Variants in SLC35D4 observed in about 807,000 individuals in gnomAD.
SLC35D4 encodes the protein UDP-N-acetylglucosamine transporter SLC35D4.
chr18:23,243,496 TTTG>T, the SLC35D4 span, among the ~76,000 whole-genome samples: 7 of 151,100 alleles, frequency 4.6e-5, no homozygotes, highest in Non-Finnish European at 1.0e-4. Flanking sequence ...TTTTGGTCTT[TTTG>T]TTGTTGTTAA....
the SLC35D4 span, among the ~76,000 whole-genome samples, chr18:23,412,098 T>C: frequency 6.6e-6 from 1 of 152,182 alleles, no homozygotes; most frequent in Non-Finnish European, 1.5e-5. Flanking sequence ...GGCGGGAGGA[T>C]CACTTGAGGT....
chr18:23,307,804 G>A, the SLC35D4 span, among the ~76,000 whole-genome samples: 2 of 152,188 alleles, frequency 1.3e-5, no homozygotes, highest in East Asian at 1.9e-4. Context: ...CCATCACAAC[G>A]GCCACACCTA....
chr18:23,304,418 T>A, the SLC35D4 span, among the ~76,000 whole-genome samples: 1 of 147,780 alleles, frequency 6.8e-6, no homozygotes, highest in Non-Finnish European at 1.5e-5. Flanking sequence ...ATAATTCATA[T>A]AATAAAATGT....
chr18:23,323,630 C>T, the SLC35D4 span, among the ~76,000 whole-genome samples: 1 of 152,194 alleles, frequency 6.6e-6, no homozygotes, highest in South Asian at 2.1e-4. Context: ...TCTTGCCACG[C>T]AACCTATTTG....
At chr18:23,286,029 C>T in the SLC35D4 span, among the ~76,000 whole-genome samples, 3 of 152,098 alleles carry the variant, frequency 2.0e-5, no homozygotes, top group African/African-American at 7.2e-5. Context: ...GTCAAAAGGC[C>T]GTCTTATTCT....
chr18:23,347,795 A>T, the SLC35D4 span, among the ~76,000 whole-genome samples: 4 of 152,338 alleles, frequency 2.6e-5, no homozygotes, highest in East Asian at 7.7e-4. Flanking sequence ...CAAAGAATCA[A>T]CATTAATATT....
At chr18:23,426,211 T>A in the SLC35D4 span, among the ~76,000 whole-genome samples, 1 of 152,070 alleles carries the variant, frequency 6.6e-6, no homozygotes, top group Admixed American at 6.6e-5. Context: ...AAAGAAACAA[T>A]CAATATATTT....
At chr18:23,316,690 A>G in the SLC35D4 span, among the ~76,000 whole-genome samples, 1 of 152,246 alleles carries the variant, frequency 6.6e-6, no homozygotes, top group African/African-American at 2.4e-5. Flanking sequence ...ATGTGAAGGA[A>G]GGATAAATTT....
the SLC35D4 span, among the ~76,000 whole-genome samples, chr18:23,411,022 T>C: frequency 6.6e-6 from 1 of 151,864 alleles, no homozygotes; most frequent in Admixed American, 6.6e-5. Flanking sequence ...TCTTTCATTG[T>C]CCTGCTGGCC....
At chr18:23,367,502 G>T in the SLC35D4 span, among the ~76,000 whole-genome samples, 1 of 152,106 alleles carries the variant, frequency 6.6e-6, no homozygotes, top group African/African-American at 2.4e-5. Flanking sequence ...AGGGCGATGG[G>T]AGGGTGCCAA....
At chr18:23,306,019 C>G in the SLC35D4 span, among the ~76,000 whole-genome samples, 3 of 152,196 alleles carry the variant, frequency 2.0e-5, no homozygotes, top group Non-Finnish European at 4.4e-5. Flanking sequence ...GGTGCTGCCC[C>G]TCACATTTAT....
the SLC35D4 span, among the ~76,000 whole-genome samples, chr18:23,422,086 GCCACAATATCTC>G: frequency 2.9e-3 from 438 of 152,074 alleles, 1 homozygote; most frequent in African/African-American, 9.9e-3. Context: ...CTTGGATACT[GCCACAATATCTC>G]CCACAATATC....
At chr18:23,253,175 TCATTGTCA>T in the SLC35D4 span, 64 of 672,550 alleles carry the variant, frequency 9.5e-5, no homozygotes, top group Admixed American at 2.0e-4. Flanking sequence ...AGTGATTGAG[TCATTGTCA>T]CATTCAGCAG....
chr18:23,423,218 T>C, the SLC35D4 span, among the ~76,000 whole-genome samples: 5 of 152,236 alleles, frequency 3.3e-5, no homozygotes, highest in African/African-American at 1.2e-4. Context: ...CCCCATAATG[T>C]TCTTCCCATC....
the SLC35D4 span, among the ~76,000 whole-genome samples, chr18:23,337,202 G>A: frequency 1.3e-5 from 2 of 152,228 alleles, no homozygotes; most frequent in East Asian, 3.9e-4. Context: ...GGCCGGGCGC[G>A]GTGGCTCACG....
the SLC35D4 span, chr18:23,371,403 T>C: frequency 1.9e-6 from 3 of 1,557,800 alleles, no homozygotes; most frequent in Non-Finnish European, 2.6e-6. Flanking sequence ...CCTTACATAA[T>C]AATTCTTTTA....
At chr18:23,360,742 T>C in the SLC35D4 span, among the ~76,000 whole-genome samples, 1 of 152,188 alleles carries the variant, frequency 6.6e-6, no homozygotes, top group African/African-American at 2.4e-5. Flanking sequence ...GTATATTTCA[T>C]ATATGTAAAT....
the SLC35D4 span, chr18:23,252,881 AGTTG>A: frequency 1.1e-6 from 1 of 895,034 alleles, no homozygotes. Context: ...GGGAGTTGTA[AGTTG>A]GTCGTAGTTG....
At chr18:23,387,384 T>C in the SLC35D4 span, among the ~76,000 whole-genome samples, 1 of 152,136 alleles carries the variant, frequency 6.6e-6, no homozygotes, top group Admixed American at 6.5e-5. Flanking sequence ...CAATACCCCA[T>C]AGCCTGGAGC....
Sources: gnomAD v4.1 joint callset for allele counts (sites outside exome capture counted in the v4.1 genomes callset) on GRCh38, gnomAD v4.1.1 for gene constraint, MANE v1.5 for transcripts, NCBI Gene and HGNC (gene_info 2026-07-23, HGNC 2026-07-21) for gene names.